VPS50: variants seen among roughly 807,000 people sequenced by gnomAD.
VPS50 encodes VPS50 subunit of EARP/GARPII complex, also known as syndetin.
VPS50 carries 70 observed loss-of-function variants against 139.7 expected under a neutral mutation model. The ratio of observed to expected loss-of-function variants is 0.50; its 90% CI spans 0.41 to 0.61. VPS50 has a LOEUF of 0.61. VPS50 is among the 20% of genes least tolerant of loss of function. The probability of loss-of-function intolerance (pLI) is 0.00; values close to 1 mark genes in which losing one functional copy is unlikely to be tolerated. For missense variants in VPS50, 921 were observed against 1,133.7 expected (o/e 0.81, Z 2.69); for synonymous variants, 365 against 376.7 (o/e 0.97, Z 0.36).
chr7:93,293,235 G>C (rs1475851069), intron 13 of VPS50, among the ~76,000 whole-genome samples: 5 of 152,158 alleles, frequency 3.3e-5, no homozygotes, highest in African/African-American at 4.8e-5. Context: ...AATACCTGGA[G>C]ACTGTTAAGA....
chr7:93,285,333 A>G (rs1043253360), intron 12 of VPS50, among the ~76,000 whole-genome samples: 1 of 152,172 alleles, frequency 6.6e-6, no homozygotes, highest in Admixed American at 6.5e-5. Flanking sequence ...CATTACAACC[A>G]TCCCTAAGAC....
intron 19 of VPS50, among the ~76,000 whole-genome samples, chr7:93,310,719 CT>C (rs746313978): frequency 2.0e-5 from 3 of 151,892 alleles, no homozygotes; most frequent in African/African-American, 7.3e-5. Flanking sequence ...TATGCCGGCC[CT>C]TTTTTCTGTG....
intron 2 of VPS50, among the ~76,000 whole-genome samples, chr7:93,247,478 G>A (rs1027699871): frequency 6.6e-6 from 1 of 151,724 alleles, no homozygotes; most frequent in African/African-American, 2.4e-5. Context: ...CTTTATATTT[G>A]TAACCCTATT....
At chr7:93,239,182 T>A (rs1181307218) in intron 1 of VPS50, among the ~76,000 whole-genome samples, 1 of 152,218 alleles carries the variant, frequency 6.6e-6, no homozygotes, top group Non-Finnish European at 1.5e-5. Context: ...ATTAAATGTC[T>A]GCTTCGAATA....
At chr7:93,309,001 G>C (rs146965572) in intron 19 of VPS50, 59 bp downstream of exon 19, 1 of 883,078 alleles carries the variant, frequency 1.1e-6, no homozygotes, top group Non-Finnish European at 1.8e-6. Context: ...TAACATATAG[G>C]ATTTCCTTTA....
At position 93,353,560 on chromosome 7, in the gene VPS50, T is replaced by C. The variant is rs897976198; in HGVS notation, c.2464-80T>C. The C allele has an allele frequency of 2.7e-6, 4 of 1,471,390 alleles. No homozygotes were observed. The Admixed American group carries it at 8.7e-5, about 32-fold the overall frequency. The allele number at this position is 1,471,390 out of a possible 1,614,324, so 91.1% of individuals were successfully genotyped here. A position where few individuals can be genotyped will look rare whatever the true frequency, so the allele number is the denominator to read the frequency against. On this transcript the variant is annotated intron_variant, in intron 25 of 27. Coordinates refer to ENST00000305866, the MANE Select transcript of VPS50 (RefSeq NM_017667.4). Reference sequence around the variant, plus strand: ...TTGATTCTGAGTCTTTCTAAATCTTTTTTATTTAAACAATTTTTATGGGAA... The same window carrying C: ...TTGATTCTGAGTCTTTCTAAATCTTCTTTATTTAAACAATTTTTATGGGAA...
At chr7:93,274,576 A>G (rs995080257) in intron 11 of VPS50, among the ~76,000 whole-genome samples, 7 of 152,096 alleles carry the variant, frequency 4.6e-5, no homozygotes, top group Admixed American at 6.6e-5. Flanking sequence ...ATTTCTGTCT[A>G]TTGACAATGT....
At chr7:93,238,247 A>G (rs1293619148) in intron 1 of VPS50, among the ~76,000 whole-genome samples, 2 of 151,560 alleles carry the variant, frequency 1.3e-5, no homozygotes, top group Non-Finnish European at 2.9e-5. Context: ...GACTAGTAAC[A>G]TACTATTTTT....
intron 25 of VPS50, 45 bp from the exon 26 acceptor site, chr7:93,353,595 G>A (rs1369614916): frequency 6.3e-7 from 1 of 1,576,654 alleles, no homozygotes; most frequent in African/African-American, 1.4e-5. Context: ...AAGCATTGTG[G>A]CATTTTAATG....
At chr7:93,253,997 A>G (rs1795414891) in intron 4 of VPS50, 66 bp downstream of exon 4, 6 of 776,444 alleles carry the variant, frequency 7.7e-6, no homozygotes, top group Non-Finnish European at 1.3e-5. Flanking sequence ...GAGAGGTATA[A>G]TGTTTGCAGA....
chr7:93,332,834 C>T (rs1445392479), intron 21 of VPS50, among the ~76,000 whole-genome samples: 1 of 142,040 alleles, frequency 7.0e-6, no homozygotes, highest in Non-Finnish European at 1.6e-5. Context: ...ACGGATGAAT[C>T]TCAAAAGCAT....
At chr7:93,280,487 C>A (rs866044515) in intron 12 of VPS50, among the ~76,000 whole-genome samples, 1 of 151,848 alleles carries the variant, frequency 6.6e-6, no homozygotes, top group South Asian at 2.1e-4. Context: ...AAAAATTAGG[C>A]CTTGTTTGTG....
At chr7:93,255,589 T>A (rs1795461353) in intron 4 of VPS50, among the ~76,000 whole-genome samples, 1 of 152,248 alleles carries the variant, frequency 6.6e-6, no homozygotes, top group African/African-American at 2.4e-5. Context: ...AGGATTAACA[T>A]TGATATTTCT....
intron 12 of VPS50, among the ~76,000 whole-genome samples, chr7:93,281,496 A>C (rs1796325093): frequency 6.6e-6 from 1 of 152,182 alleles, no homozygotes; most frequent in Non-Finnish European, 1.5e-5. Flanking sequence ...AATAAGCTGC[A>C]GGAAATTAAT....
intron 21 of VPS50, among the ~76,000 whole-genome samples, chr7:93,326,350 T>C (rs1797774615): frequency 1.4e-5 from 2 of 145,912 alleles, no homozygotes; most frequent in African/African-American, 5.0e-5. Context: ...TAATGCTAAA[T>C]GACGAGTTAA....
chr7:93,246,422 T>C (rs929771161), intron 2 of VPS50, among the ~76,000 whole-genome samples: 1 of 151,806 alleles, frequency 6.6e-6, no homozygotes, highest in Admixed American at 6.6e-5. Flanking sequence ...GAGGAGTTGG[T>C]GTGCATTTCA....
Position 93,355,221 on chromosome 7 carries a change from A to G in VPS50, c.2586-670A>G, listed in dbSNP as rs187732272. On this transcript the variant is annotated intron_variant, in intron 26 of 27. Coordinates refer to ENST00000305866, the MANE Select transcript of VPS50 (RefSeq NM_017667.4). ...CCTCATTCCCACAGTTGAATTTTCC[A>G]TGTTCTGTATGATTGATTGAAGAAA... Among the ~76,000 whole-genome samples the G allele has an allele frequency of 6.6e-5, 10 of 151,916 alleles. 1 individual carries two copies. Among genetic ancestry groups the G allele is most frequent in the Admixed American group, 6.6e-4 (10 of 15,234 alleles).
chr7:93,317,972 TAAGA>T (rs1797477598), intron 20 of VPS50, among the ~76,000 whole-genome samples: 2 of 151,984 alleles, frequency 1.3e-5, no homozygotes, highest in Non-Finnish European at 2.9e-5. Flanking sequence ...AGTTATCGTT[TAAGA>T]AAAAAATATT....
At position 93,341,535 on chromosome 7, in the gene VPS50, C is replaced by G. The variant is rs2106432; in HGVS notation, c.2167C>G (p.Leu723Val). 1 of 1,608,066 alleles carries G rather than the reference C, an allele frequency of 6.2e-7. No individual in the cohort carries two copies. The highest frequency in any genetic ancestry group is 8.5e-7 in the Non-Finnish European group (1 of 1,175,588). ...AGTGGTTTTGACATCTGGGGATACG[C>G]TGTATGGGTTGGCAGAAAGAGTGGT... ...HLVVLTSGDT[L>V]YGLAERVVAT... is the part of the protein sequence containing the mutation. The change falls in exon 23 of 28, where the codon CTG (leucine) becomes GTG (valine). Residue 723 changes from leucine (L) to valine (V), a missense_variant. Physicochemically the swap from Leu to Val is conservative, Grantham distance 32. This residue lies in a region of VPS50 where 744 missense variants were observed against 930.6 expected (regional missense o/e 0.80). Transcript: ENST00000305866.
Sources: gnomAD v4.1 joint callset for allele counts (sites outside exome capture counted in the v4.1 genomes callset) on GRCh38, gnomAD v4.1.1 for gene constraint, gnomAD v4.1.1 regional missense constraint, MANE v1.5 for transcripts, NCBI Gene and HGNC (gene_info 2026-07-23, HGNC 2026-07-21) for gene names.